The following PRICKLE1 variants were observed in gnomAD, a reference collection of about 807,000 sequenced individuals.
The protein encoded by PRICKLE1 is prickle-like protein 1.
Under a neutral mutation model 70.2 loss-of-function variants are expected in PRICKLE1, and 14 were observed. The observed-to-expected ratio is 0.20, with a 90% CI of 0.13 to 0.31. The LOEUF (loss-of-function observed/expected upper bound fraction) is 0.31. PRICKLE1 is among the 10% of genes least tolerant of loss of function. PRICKLE1 has a pLI of 1.00. For synonymous variants in PRICKLE1, 357 were observed against 379.9 expected, an observed-to-expected ratio of 0.94 and a Z score of 0.70; for missense variants, 821 against 1,026.2, an observed-to-expected ratio of 0.80 and a Z score of 2.73.
At position 42,521,929 on chromosome 12, in the gene PRICKLE1, G is replaced by GGTGTGTGTGT. The variant is rs72169209; in HGVS notation, c.-48-49375_-48-49366dup. On this transcript the variant is annotated intron_variant, in intron 1 of 7. Coordinates refer to ENST00000345127, the MANE Select transcript of PRICKLE1 (RefSeq NM_153026.3). ...AAGTGAAATCAGTTTGTTTGTTTTT[G>GGTGTGTGTGT]GTGTGTGTGTGTGTGTGTGTGTGTG... is the stretch of plus-strand genomic sequence containing the variant. Among the ~76,000 whole-genome samples the GGTGTGTGTGT allele has an allele frequency of 2.5e-3, 350 of 139,890 alleles. 3 individuals carry two copies. Among genetic ancestry groups the GGTGTGTGTGT allele is most frequent in the African/African-American group, 9.4e-3 (337 of 35,972 alleles). The allele number at this position is 139,890 out of a possible 152,430, so 91.8% of individuals were successfully genotyped here.
intron 1 of PRICKLE1, among the ~76,000 whole-genome samples, chr12:42,497,476 G>T (rs1939226716): frequency 6.7e-6 from 1 of 150,284 alleles, no homozygotes; most frequent in African/African-American, 2.5e-5. Context: ...GTGAACCCGG[G>T]AGGCAGAGCT....
At chr12:42,477,824 G>T (rs545568543) in intron 1 of PRICKLE1, among the ~76,000 whole-genome samples, 1 of 152,072 alleles carries the variant, frequency 6.6e-6, no homozygotes, top group African/African-American at 2.4e-5. Context: ...AGGTTTAAAA[G>T]TAGGCTGCAT....
chr12:42,540,877 C>T lies in PRICKLE1; in HGVS notation c.-49+48588G>A, dbSNP rs866877737. On this transcript the variant is annotated intron_variant, in intron 1 of 7. Transcript: ENST00000345127. ...CGCCCAGCCAAAATATTTTCTTCTA[C>T]CTCCATCAAGCCTCCTTACTCCTTA... 2.6e-5 allele frequency among the ~76,000 whole-genome samples: 4 copies of T among 152,178 alleles called. No individual in the cohort carries two copies. In the South Asian group the frequency reaches 6.2e-4, roughly 24 times the overall value.
rs11342397 is a variant in PRICKLE1, at chr12:42,519,193, C to CTTTTTTTTTTT, written c.-48-46640_-48-46630dup. 5.7e-4 allele frequency among the ~76,000 whole-genome samples: 57 copies of CTTTTTTTTTTT among 99,198 alleles called. 1 individual carries two copies. Among genetic ancestry groups the CTTTTTTTTTTT allele is most frequent in the Middle Eastern group, 8.2e-3 (1 of 122 alleles). 65.1% of individuals were successfully genotyped at this position (99,198 alleles called of 152,430 possible). A position where few individuals can be genotyped will look rare whatever the true frequency, so the allele number is the denominator to read the frequency against. ...TACTGAATTTCCTTTCCTTTTTTTCCTTTTTTTTTTTTTTTTTTTTGAGAT... is the reference window on the plus strand; with the variant it reads ...TACTGAATTTCCTTTCCTTTTTTTCCTTTTTTTTTTTTTTTTTTTTTTTTTTTTTTTGAGAT... On this transcript the variant is annotated intron_variant, in intron 1 of 7. Transcript: ENST00000345127.
At chr12:42,578,705 TA>T (rs1204968168) in intron 1 of PRICKLE1, among the ~76,000 whole-genome samples, 20 of 152,024 alleles carry the variant, frequency 1.3e-4, no homozygotes, top group Non-Finnish European at 5.9e-5. Flanking sequence ...TTAGGTCAGA[TA>T]AAAACAGAAT....
chr12:42,484,787 G>A (rs765035303), intron 1 of PRICKLE1, among the ~76,000 whole-genome samples: 17 of 152,124 alleles, frequency 1.1e-4, no homozygotes, highest in Non-Finnish European at 1.8e-4. Flanking sequence ...AAAGGGTCAA[G>A]AGAAGCAAAA....
chr12:42,466,371 C>A lies in PRICKLE1; in HGVS notation c.598G>T (p.Ala200Ser). ...CCCTCAGCTTCTGTGCACTCATCAGCAAAAATTATCTTCAAAAAGAAATGT... is the reference window on the plus strand; with the variant it reads ...CCCTCAGCTTCTGTGCACTCATCAGAAAAAATTATCTTCAAAAAGAAATGT... ...RCSACDEIIF[A>S]DECTEAEGRH... Residue 200 changes from alanine to serine, a missense_variant, in exon 6 of 8, where the codon GCT becomes TCT. Transcript: ENST00000345127. The A allele has an allele frequency of 6.2e-7, 1 of 1,613,946 alleles. No individual in the cohort carries two copies. Among genetic ancestry groups the A allele is most frequent in the Non-Finnish European group, 8.5e-7 (1 of 1,179,914 alleles).
chr12:42,462,907 T>C (rs1937914753), intron 7 of PRICKLE1, among the ~76,000 whole-genome samples: 1 of 152,224 alleles, frequency 6.6e-6, no homozygotes, highest in Admixed American at 6.5e-5. Context: ...ATGTTTGGCA[T>C]TTAGCCTTTT....
At chr12:42,484,264 G>C (rs1435165556) in intron 1 of PRICKLE1, 2 of 151,370 alleles carry the variant, frequency 1.3e-5, no homozygotes, top group East Asian at 2.0e-4. Flanking sequence ...CTAGCGGCTC[G>C]AGCACCTACC....
At chr12:42,489,485 C>A (rs1055580694) in intron 1 of PRICKLE1, among the ~76,000 whole-genome samples, 4 of 149,902 alleles carry the variant, frequency 2.7e-5, no homozygotes, top group African/African-American at 9.8e-5. Context: ...CATGGTGAAA[C>A]CCCGTCTCTA....
At chr12:42,515,372 T>C (rs1232689056) in intron 1 of PRICKLE1, among the ~76,000 whole-genome samples, 1 of 151,996 alleles carries the variant, frequency 6.6e-6, no homozygotes, top group Non-Finnish European at 1.5e-5. Flanking sequence ...CCCAAGTAGC[T>C]GGGATTACAG....
intron 1 of PRICKLE1, among the ~76,000 whole-genome samples, chr12:42,479,765 G>C (rs1938723371): frequency 1.3e-5 from 2 of 152,116 alleles, no homozygotes; most frequent in South Asian, 4.1e-4. Context: ...AGACCAGCCT[G>C]ATCAACATGG....
chr12:42,566,215 G>C (rs1940619054), intron 1 of PRICKLE1, among the ~76,000 whole-genome samples: 1 of 152,194 alleles, frequency 6.6e-6, no homozygotes, highest in African/African-American at 2.4e-5. Context: ...CGAAAGAATG[G>C]AGGGAAGGGG....
chr12:42,554,766 A>C (rs1940385524), intron 1 of PRICKLE1, among the ~76,000 whole-genome samples: 1 of 152,204 alleles, frequency 6.6e-6, no homozygotes, highest in Non-Finnish European at 1.5e-5. Flanking sequence ...TATAAAACAC[A>C]GAACTTTCCC....
intron 1 of PRICKLE1, among the ~76,000 whole-genome samples, chr12:42,532,853 T>A (rs531377294): frequency 6.8e-6 from 1 of 148,130 alleles, no homozygotes; most frequent in East Asian, 2.0e-4. Flanking sequence ...GCCGAGATCG[T>A]GTCACTGCAC....
Position 42,460,039 on chromosome 12 carries a change from C to G in PRICKLE1, c.2266G>C (p.Gly756Arg), listed in dbSNP as rs777019107. The G allele has an allele frequency of 6.2e-7, 1 of 1,614,002 alleles. No individual in the cohort carries two copies. ...GAACACCAGGAATCATCATCCTCGC[C>G]GTAGAGTCCCAGAAACCGATTCATT... is the stretch of plus-strand genomic sequence containing the variant. ...PGMNRFLGLY[G>R]EDDDSWCSSS... The change falls in exon 8 of 8, where the codon GGC becomes CGC. Residue 756 changes from glycine to arginine, a missense_variant. Gly to Arg is a moderately radical substitution (Grantham distance 125). Transcript: ENST00000345127.
intron 1 of PRICKLE1, chr12:42,485,360 T>C (rs1938967461): frequency 6.7e-6 from 1 of 148,664 alleles, no homozygotes; most frequent in South Asian, 2.2e-4. Context: ...CAATTTGTAA[T>C]TCAAATAGAC....
intron 1 of PRICKLE1, among the ~76,000 whole-genome samples, chr12:42,501,523 A>G (rs1164170995): frequency 3.5e-5 from 5 of 141,372 alleles, no homozygotes; most frequent in Non-Finnish European, 6.0e-5. Flanking sequence ...AAAAAAAAAA[A>G]AAAAAAAGAA....
chr12:42,501,406 A>C (rs1171077462), intron 1 of PRICKLE1, among the ~76,000 whole-genome samples: 1 of 148,226 alleles, frequency 6.7e-6, no homozygotes, highest in Non-Finnish European at 1.5e-5. Context: ...GCTACTCAGG[A>C]GGCTGAGGTA....
Sources: allele counts gnomAD v4.1 joint callset (sites outside exome capture counted in the v4.1 genomes callset), GRCh38; gene constraint gnomAD v4.1.1; transcripts MANE v1.5; gene names NCBI Gene and HGNC (gene_info 2026-07-23, HGNC 2026-07-21).